PLEKHM2: variants seen among roughly 807,000 people sequenced by gnomAD.
PLEKHM2 encodes pleckstrin homology domain-containing family M member 2.
Under a neutral mutation model 116.3 loss-of-function variants are expected in PLEKHM2, and 77 were observed. The ratio of observed to expected loss-of-function variants is 0.66; its 90% CI spans 0.55 to 0.80. The LOEUF is 0.80. Ranked by LOEUF, PLEKHM2 falls within the 30% of genes least tolerant of loss-of-function variation. PLEKHM2 has a pLI of 0.00. For missense variants in PLEKHM2, 1,183 were observed against 1,354.9 expected (o/e 0.87, Z 1.99); for synonymous variants, 562 against 571.0 (o/e 0.98, Z 0.22).
Position 15,731,897 on chromosome 1 carries a change from AGTGCG to A in PLEKHM2, c.2478_2482del (p.Cys826TrpfsTer69). The A allele has an allele frequency of 6.2e-7, 1 of 1,610,788 alleles. No homozygotes were observed. The highest frequency in any genetic ancestry group is 8.5e-7 in the Non-Finnish European group (1 of 1,178,986). On this transcript the variant is annotated frameshift_variant, in exon 17 of 20. Transcript: ENST00000375799. LOFTEE classifies it high-confidence loss of function. Reference sequence around the variant, plus strand: ...CTCCTCCTCTGGCCCAGGGGGGAGCAGTGCGGTGGCTGCCGGAGAGCCAACACCAC... The same window carrying A: ...CTCCTCCTCTGGCCCAGGGGGGAGCAGTGGCTGCCGGAGAGCCAACACCAC...
intron 1 of PLEKHM2, among the ~76,000 whole-genome samples, chr1:15,693,461 G>T (rs1349929073): frequency 1.3e-5 from 2 of 152,210 alleles, no homozygotes; most frequent in Admixed American, 6.5e-5. Context: ...AGAACAACCT[G>T]GGCTCGCTCT....
At position 15,684,779 on chromosome 1, in the gene PLEKHM2, G is replaced by T. The variant is rs574754297; in HGVS notation, c.60+161G>T. 2.5e-3 allele frequency among the ~76,000 whole-genome samples: 382 copies of T among 151,294 alleles called. 2 individuals carry two copies. Among genetic ancestry groups the T allele is most frequent in the African/African-American group, 8.9e-3 (368 of 41,346 alleles). The stretch of plus-strand genomic sequence containing the variant: ...GGGCCGGTAGAGGGGAAGCGGCGCC[G>T]CTCACGTGAGCGCCGCGGCCTCGGA... On this transcript the variant is annotated intron_variant, in intron 1 of 19. Coordinates refer to ENST00000375799, the MANE Select transcript of PLEKHM2 (RefSeq NM_015164.4).
intron 5 of PLEKHM2, 52 bp downstream of exon 5, chr1:15,718,677 TG>T: frequency 2.2e-5 from 3 of 137,908 alleles, no homozygotes; most frequent in East Asian, 3.0e-4. Flanking sequence ...GGGGGCAGGG[TG>T]GGGGCAGGGT....
In PLEKHM2 at chr1:15,719,837, A is replaced by C; in HGVS notation, c.569A>C (p.Asp190Ala). Residue 190 changes from aspartate to alanine, a missense_variant, in exon 6 of 20, where the codon GAC (aspartate) becomes GCC (alanine). Asp to Ala is a moderately radical substitution (Grantham distance 126). Transcript: ENST00000375799. The surrounding 1 kb of genome is among the most constrained non-coding windows in gnomAD (Gnocchi z 4.1). Reference sequence around the variant, plus strand: ...CTTCCCAGCTCGGTCCACGGCTCAGACAGTCTGTCCCTCAACTCTTTCAAC... The same window carrying C: ...CTTCCCAGCTCGGTCCACGGCTCAGCCAGTCTGTCCCTCAACTCTTTCAAC... ...DRLPSSVHGSDSLSLNSFNSV... is the reference protein window; with the variant it reads ...DRLPSSVHGSASLSLNSFNSV... 1 of 1,613,892 alleles carries C rather than the reference A, an allele frequency of 6.2e-7. No homozygotes were observed. The highest frequency in any genetic ancestry group is 8.5e-7 in the Non-Finnish European group (1 of 1,179,826).
chr1:15,691,269 A>G (rs1261082457), intron 1 of PLEKHM2, among the ~76,000 whole-genome samples: 2 of 152,152 alleles, frequency 1.3e-5, no homozygotes, highest in Non-Finnish European at 2.9e-5. Flanking sequence ...ACAAGGTCTC[A>G]CTATGTTGCC....
intron 1 of PLEKHM2, among the ~76,000 whole-genome samples, chr1:15,713,278 T>C (rs916748459): frequency 6.6e-6 from 1 of 152,112 alleles, no homozygotes; most frequent in Non-Finnish European, 1.5e-5. Context: ...ATTTCTTTCT[T>C]TCTTTTTTTT....
intron 17 of PLEKHM2, 144 bp downstream of exon 17, chr1:15,732,192 C>T: frequency 1.1e-6 from 1 of 935,192 alleles, no homozygotes; most frequent in Non-Finnish European, 1.6e-6. Context: ...GACCCTGGAG[C>T]TCAGAGGCAT....
chr1:15,715,907 G>A (rs182944385), intron 1 of PLEKHM2, among the ~76,000 whole-genome samples: 1 of 152,366 alleles, frequency 6.6e-6, no homozygotes, highest in East Asian at 1.9e-4. Context: ...TGCCCCTGAA[G>A]TTGTGCCATG....
Position 15,729,529 on chromosome 1 carries a change from C to T in PLEKHM2, c.2076-268C>T, listed in dbSNP as rs2068110488. 2.0e-5 allele frequency among the ~76,000 whole-genome samples: 3 copies of T among 152,178 alleles called. No homozygotes were observed. The highest frequency in any genetic ancestry group is 2.1e-4 in the South Asian group (1 of 4,834). ...CGTGGCTCAAGGTCCCACCCGTTGA[C>T]GTCCTGCCCACCCTCTTTGTCTGTC... On this transcript the variant is annotated intron_variant, in intron 13 of 19. Coordinates refer to ENST00000375799, the MANE Select transcript of PLEKHM2 (RefSeq NM_015164.4). This position sits in a 1 kb window ranked among gnomAD's most constrained non-coding sequence, Gnocchi z 4.7.
At chr1:15,716,454 G>A in intron 2 of PLEKHM2, 111 bp downstream of exon 2, 2 of 740,228 alleles carry the variant, frequency 2.7e-6, no homozygotes, top group Admixed American at 2.6e-5. Context: ...CCCCTTGGCA[G>A]AAAGGGATTT....
intron 1 of PLEKHM2, among the ~76,000 whole-genome samples, chr1:15,693,140 A>C (rs1301569044): frequency 1.3e-5 from 2 of 151,036 alleles, no homozygotes; most frequent in African/African-American, 4.9e-5. Flanking sequence ...TCCTGGGTTC[A>C]AGAGATTCTC....
chr1:15,706,341 C>T (rs1641225287), intron 1 of PLEKHM2, among the ~76,000 whole-genome samples: 1 of 152,082 alleles, frequency 6.6e-6, no homozygotes, highest in Non-Finnish European at 1.5e-5. Flanking sequence ...GAATACTTTC[C>T]CCCCGGATGC....
At position 15,716,290 on chromosome 1, in the gene PLEKHM2, T is replaced by C. The variant is rs1641444831; in HGVS notation, c.114T>C (p.His38=). The change falls in exon 2 of 20, where the codon CAT becomes CAC. Residue 38 remains histidine (H), a synonymous_variant. Coordinates refer to ENST00000375799, the MANE Select transcript of PLEKHM2 (RefSeq NM_015164.4). ...ATGAGATCCCTGCCATCCGGAACCATGACAAGGTCCTACAGCGTCTGTGTG... is the reference window on the plus strand; with the variant it reads ...ATGAGATCCCTGCCATCCGGAACCACGACAAGGTCCTACAGCGTCTGTGTG... ...CEDEIPAIRN[H]DKVLQRLCEH... is the part of the protein sequence containing the mutation. The C allele has an allele frequency of 2.5e-6, 4 of 1,608,172 alleles. No individual in the cohort carries two copies. The highest frequency in any genetic ancestry group is 1.7e-5 in the Admixed American group (1 of 59,312).
intron 1 of PLEKHM2, among the ~76,000 whole-genome samples, chr1:15,697,429 A>C (rs1641020415): frequency 6.6e-6 from 1 of 152,242 alleles, no homozygotes; most frequent in South Asian, 2.1e-4. Context: ...GTTCTCAGCC[A>C]GAGTAATCAT....
rs774282688 is a variant in PLEKHM2 at position 15,727,172 on chromosome 1, C to G, written c.1100C>G (p.Thr367Ser). 6 of 1,603,608 alleles carry G rather than the reference C, an allele frequency of 3.7e-6. No individual in the cohort carries two copies. The highest frequency in any genetic ancestry group is 5.1e-6 in the Non-Finnish European group (6 of 1,174,792). Reference sequence around the variant, plus strand: ...AGCCTTGGGCGGGACTCGCCAGACACTATGCTTGCCTCCCCCCAGGAGGAG... The same window carrying G: ...AGCCTTGGGCGGGACTCGCCAGACAGTATGCTTGCCTCCCCCCAGGAGGAG... Reference protein sequence around the residue: ...SPSLGRDSPDTMLASPQEEGE... With the variant: ...SPSLGRDSPDSMLASPQEEGE... Residue 367 changes from threonine to serine, a missense_variant, in exon 9 of 20, where the codon ACT (threonine) becomes AGT (serine). Transcript: ENST00000375799. The surrounding 1 kb of genome is among the most constrained non-coding windows in gnomAD (Gnocchi z 7.5).
At position 15,725,451 on chromosome 1, in the gene PLEKHM2, T is replaced by C. The variant is rs1370615000; in HGVS notation, c.847T>C (p.Ser283Pro). Residue 283 changes from serine to proline, a missense_variant, in exon 8 of 20, where the codon TCT becomes CCT. By Grantham distance (74) the Ser-to-Pro change is moderately conservative. Transcript: ENST00000375799. ...GGAGCCGGCAGAGACTGTGTCCTCC[T>C]CTGACACCACCCCCGTGCACACCAC... ...NEEPAETVSS[S>P]DTTPVHTTSQ... 4 of 1,571,516 alleles carry C rather than the reference T, an allele frequency of 2.5e-6. No homozygotes were observed. Among genetic ancestry groups the C allele is most frequent in the Non-Finnish European group, 3.5e-6 (4 of 1,159,222 alleles).
intron 1 of PLEKHM2, among the ~76,000 whole-genome samples, chr1:15,685,841 G>A (rs1009154245): frequency 3.3e-5 from 5 of 152,164 alleles, no homozygotes; most frequent in African/African-American, 1.2e-4. Context: ...GATCCAACAA[G>A]AGTTTTACGT....
intron 1 of PLEKHM2, among the ~76,000 whole-genome samples, chr1:15,704,863 C>T (rs1641190014): frequency 6.6e-6 from 1 of 152,238 alleles, no homozygotes; most frequent in Non-Finnish European, 1.5e-5. Context: ...ACCTCGCTGG[C>T]TGTGCCTTCG....
Position 15,705,981 on chromosome 1 carries a change from C to T in PLEKHM2, c.61-10256C>T, listed in dbSNP as rs759724762. Among the ~76,000 whole-genome samples the T allele has an allele frequency of 2.6e-5, 4 of 152,068 alleles. No individual in the cohort carries two copies. The East Asian group carries it at 5.8e-4, about 22-fold the overall frequency. ...TCGCACACCTGCAGTCCCAGCTACT[C>T]GGGAGGTTGAAGTGGGAGGATCGAT... On this transcript the variant is annotated intron_variant, in intron 1 of 19. Coordinates refer to ENST00000375799, the MANE Select transcript of PLEKHM2 (RefSeq NM_015164.4).
Sources: gnomAD v4.1 joint callset for allele counts (sites outside exome capture counted in the v4.1 genomes callset) on GRCh38, gnomAD v4.1.1 for gene constraint, Gnocchi (gnomAD v3.1) non-coding constraint, MANE v1.5 for transcripts, NCBI Gene and HGNC (gene_info 2026-07-23, HGNC 2026-07-21) for gene names.